Variants in MAP3K7CL observed in about 807,000 individuals in gnomAD.
The protein encoded by MAP3K7CL is MAP3K7 C-terminal-like protein.
A neutral mutation model predicts 18.6 loss-of-function variants in MAP3K7CL; 16 were observed. The observed-to-expected ratio is 0.86, with a 90% confidence interval of 0.58 to 1.31. The LOEUF is 1.31. MAP3K7CL is among the 50% of genes most tolerant of loss of function. The pLI is 0.00. For synonymous variants in MAP3K7CL, 65 were observed against 66.8 expected (o/e 0.97, Z 0.13); for missense variants, 163 against 174.4 (o/e 0.93, Z 0.37).
chr21:29,153,095 AGT>A (rs2087315173), intron 3 of MAP3K7CL, among the ~76,000 whole-genome samples: 1 of 152,254 alleles, frequency 6.6e-6, no homozygotes, highest in Non-Finnish European at 1.5e-5. Flanking sequence ...TGTAATTTGC[AGT>A]GCTTCTATTT....
In MAP3K7CL at chr21:29,170,939, CT is replaced by C. The variant is rs367616302; in HGVS notation, c.249-3757del. Among the ~76,000 whole-genome samples the C allele has an allele frequency of 9.9e-3, 1,414 of 143,320 alleles. 11 individuals are homozygous for C. The highest frequency in any genetic ancestry group is 0.012 in the African/African-American group (450 of 39,102). The allele number at this position is 143,320 out of a possible 152,430, so 94.0% of individuals were successfully genotyped here. The stretch of plus-strand genomic sequence containing the variant: ...CAGGTGTGAGCCTCTGTGCCTGCCT[CT>C]TTTTTTTTTTTTTTTAATTTATATA... On this transcript the variant is annotated intron_variant, in intron 4 of 4. Transcript: ENST00000399928.
intron 4 of MAP3K7CL, among the ~76,000 whole-genome samples, chr21:29,094,231 C>A (rs1601137885): frequency 1.3e-5 from 2 of 152,208 alleles, no homozygotes; most frequent in African/African-American, 4.8e-5. Context: ...ATCCCACAAT[C>A]CACAGAACAG....
chr21:29,102,993 C>T (rs944353357), intron 4 of MAP3K7CL, among the ~76,000 whole-genome samples: 11 of 152,182 alleles, frequency 7.2e-5, no homozygotes, highest in Non-Finnish European at 1.5e-4. Flanking sequence ...ATTGCAACTG[C>T]GGGACAGACT....
chr21:29,134,188 T>C (rs966856445), intron 2 of MAP3K7CL, among the ~76,000 whole-genome samples: 3 of 152,098 alleles, frequency 2.0e-5, no homozygotes, highest in African/African-American at 7.2e-5. Context: ...TCTCTCTCTC[T>C]CTTGCTATAA....
chr21:29,161,323 T>C (rs1281045463), intron 4 of MAP3K7CL, among the ~76,000 whole-genome samples: 1 of 149,158 alleles, frequency 6.7e-6, no homozygotes, highest in East Asian at 2.0e-4. Context: ...AAAAAAACAA[T>C]TTTTTTTTTA....
intron 2 of MAP3K7CL, among the ~76,000 whole-genome samples, chr21:29,139,070 C>T (rs2086945964): frequency 1.3e-5 from 2 of 152,120 alleles, no homozygotes; most frequent in Admixed American, 1.3e-4. Flanking sequence ...GAACCCATAC[C>T]ATTGGTGTCA....
chr21:29,083,334 C>T (rs1013607421), upstream of MAP3K7CL, among the ~76,000 whole-genome samples: 2 of 152,122 alleles, frequency 1.3e-5, no homozygotes, highest in East Asian at 1.9e-4. Context: ...ATTTTGCCCT[C>T]GGATGAAGCC....
intron 4 of MAP3K7CL, among the ~76,000 whole-genome samples, chr21:29,124,384 A>G (rs2086649401): frequency 6.6e-6 from 1 of 150,768 alleles, no homozygotes; most frequent in Non-Finnish European, 1.5e-5. Context: ...AAAAGAACAC[A>G]TGTGTCACAT....
At chr21:29,080,355 A>G (rs1568922674) in intron 1 of MAP3K7CL, among the ~76,000 whole-genome samples, 1 of 152,218 alleles carries the variant, frequency 6.6e-6, no homozygotes, top group Non-Finnish European at 1.5e-5. Context: ...GTAGGAAAAC[A>G]AAGCCTATTT....
At chr21:29,115,949 T>C (rs765233569) in intron 4 of MAP3K7CL, among the ~76,000 whole-genome samples, 2 of 152,238 alleles carry the variant, frequency 1.3e-5, no homozygotes, top group Admixed American at 6.5e-5. Flanking sequence ...CCAGAGAAAT[T>C]GTTACTAGCT....
intron 4 of MAP3K7CL, among the ~76,000 whole-genome samples, chr21:29,118,118 C>T (rs1427322964): frequency 1.4e-4 from 20 of 138,304 alleles, no homozygotes; most frequent in Non-Finnish European, 3.1e-4. Flanking sequence ...CGGACTCTTG[C>T]ACTGTTGCCC....
At chr21:29,078,792 A>C (rs1287470927) in intron 1 of MAP3K7CL, among the ~76,000 whole-genome samples, 2 of 152,172 alleles carry the variant, frequency 1.3e-5, no homozygotes, top group Admixed American at 6.5e-5. Context: ...GATGAGGTTG[A>C]GGGGAGACTC....
At chr21:29,137,252 T>C (rs1295808803) in intron 2 of MAP3K7CL, among the ~76,000 whole-genome samples, 2 of 152,240 alleles carry the variant, frequency 1.3e-5, no homozygotes, top group Non-Finnish European at 2.9e-5. Context: ...TAGGGACTAG[T>C]TATGCAGTTA....
chr21:29,126,670 G>A (rs1053858803), upstream of MAP3K7CL, among the ~76,000 whole-genome samples: 3 of 152,110 alleles, frequency 2.0e-5, no homozygotes, highest in Non-Finnish European at 2.9e-5. Context: ...TGTTGGCCAG[G>A]CTGGTCTCAA....
At chr21:29,154,470 G>T (rs1309823558) in intron 3 of MAP3K7CL, among the ~76,000 whole-genome samples, 1 of 151,630 alleles carries the variant, frequency 6.6e-6, no homozygotes, top group East Asian at 1.9e-4. Flanking sequence ...AGATGACAGT[G>T]ACAGGTGTCT....
intron 4 of MAP3K7CL, among the ~76,000 whole-genome samples, chr21:29,122,643 C>G (rs1017009300): frequency 6.6e-6 from 1 of 152,220 alleles, no homozygotes; most frequent in African/African-American, 2.4e-5. Context: ...TTCTCACCAA[C>G]GTCTAGCTGC....
At chr21:29,102,147 C>G (rs2086240709) in intron 4 of MAP3K7CL, among the ~76,000 whole-genome samples, 2 of 152,338 alleles carry the variant, frequency 1.3e-5, no homozygotes, top group South Asian at 4.1e-4. Context: ...CCTCTTTGAG[C>G]AGAAGAAAGA....
At chr21:29,098,689 C>G (rs1473006439) in intron 4 of MAP3K7CL, among the ~76,000 whole-genome samples, 3 of 152,182 alleles carry the variant, frequency 2.0e-5, no homozygotes, top group African/African-American at 7.2e-5. Flanking sequence ...GTTCACCTAG[C>G]TAGTAAGTGG....
At chr21:29,170,763 C>T (rs773377478) in intron 4 of MAP3K7CL, among the ~76,000 whole-genome samples, 1 of 151,710 alleles carries the variant, frequency 6.6e-6, no homozygotes, top group Non-Finnish European at 1.5e-5. Context: ...CTCAGCCTCC[C>T]GAGTAGCTGG....
Sources: allele counts gnomAD v4.1 joint callset (sites outside exome capture counted in the v4.1 genomes callset), GRCh38; gene constraint gnomAD v4.1.1; transcripts MANE v1.5; gene names NCBI Gene and HGNC (gene_info 2026-07-23, HGNC 2026-07-21).